Variants in MEF2C observed in about 807,000 individuals in gnomAD.
MEF2C encodes the protein myocyte-specific enhancer factor 2C.
In MEF2C, 6 loss-of-function variants were observed where a neutral mutation model predicts 50.5. The ratio of observed to expected loss-of-function variants is 0.12; its 90% CI spans 0.07 to 0.23. MEF2C has a LOEUF of 0.23. Among genes scored for constraint, MEF2C ranks in the 10% least tolerant of loss-of-function variants. The probability of loss-of-function intolerance (pLI) is 1.00; values close to 1 mark genes in which losing one functional copy is unlikely to be tolerated. For synonymous variants in MEF2C, 183 were observed against 228.0 expected, an observed-to-expected ratio of 0.80 and a Z score of 1.78; for missense variants, 276 against 605.0, an observed-to-expected ratio of 0.46 and a Z score of 5.70.
chr5:88,729,342 T>C lies in MEF2C; in HGVS notation c.840A>G (p.Gln280=). The part of the protein sequence containing the change: ...VSEDVDLLLN[Q]RINNSQSAQS... ...GAGCCGACTGGGAGTTATTTATCCT[T>C]TGATTCTTTTAAAATAAATAAAAAG... Residue 280 remains glutamine (Q), a synonymous_variant, in exon 9 of 11, where the codon CAA becomes CAG. Coordinates refer to ENST00000504921, the MANE Select transcript of MEF2C (RefSeq NM_002397.5). The C allele has an allele frequency of 1.2e-6, 2 of 1,603,206 alleles. No individual in the cohort carries two copies. The highest frequency in any genetic ancestry group is 1.7e-6 in the Non-Finnish European group (2 of 1,173,970).
At chr5:88,788,183 T>TTTAG (rs1465507135) in intron 3 of MEF2C, among the ~76,000 whole-genome samples, 14 of 84,410 alleles carry the variant, frequency 1.7e-4, no homozygotes, top group South Asian at 3.8e-4. Context: ...TGTTTGTTTA[T>TTTAG]TTATTTATTT....
chr5:88,769,647 T>C (rs1409002091), intron 3 of MEF2C, among the ~76,000 whole-genome samples: 1 of 152,138 alleles, frequency 6.6e-6, no homozygotes, highest in Non-Finnish European at 1.5e-5. Context: ...TCTATAGCTA[T>C]AGTTGTTGTT....
chr5:88,845,213 G>T (rs304157), intron 1 of MEF2C, among the ~76,000 whole-genome samples: 63,190 of 152,018 alleles, frequency 0.42, 14,879 homozygotes, highest in African/African-American at 0.64. Context: ...ATATCCTCCC[G>T]TGTCAATGGT....
At position 88,733,819 on chromosome 5, in the gene MEF2C, C is replaced by A. The variant is rs1306858328; in HGVS notation, c.638-1918G>T. The A allele has an allele frequency of 4.1e-6, 4 of 985,178 alleles. No individual in the cohort carries two copies. In the African/African-American group the frequency reaches 7.0e-5, roughly 17 times the overall value. The allele number at this position is 985,178 out of a possible 1,614,324, so 61.0% of individuals were successfully genotyped here. ...TAAAGCAAACTGGACACCCCCAAAACGTGTGTTAAGTGACAGGACTCACTT... is the reference window on the plus strand; with the variant it reads ...TAAAGCAAACTGGACACCCCCAAAAAGTGTGTTAAGTGACAGGACTCACTT... On this transcript the variant is annotated intron_variant, in intron 6 of 10. Coordinates refer to ENST00000504921, the MANE Select transcript of MEF2C (RefSeq NM_002397.5).
At chr5:88,767,015 A>G (rs1780348243) in intron 3 of MEF2C, among the ~76,000 whole-genome samples, 1 of 152,208 alleles carries the variant, frequency 6.6e-6, no homozygotes, top group Non-Finnish European at 1.5e-5. Flanking sequence ...TACTGCCTAT[A>G]AATTGAGTTT....
chr5:88,848,677 T>C (rs549006433), intron 1 of MEF2C, among the ~76,000 whole-genome samples: 1 of 152,206 alleles, frequency 6.6e-6, no homozygotes, highest in South Asian at 2.1e-4. Context: ...GGTAAAAAAA[T>C]TGACACTCCT....
In MEF2C at chr5:88,843,166, G is replaced by A. The variant is rs946213496; in HGVS notation, c.-142-19236C>T. On this transcript the variant is annotated intron_variant, in intron 1 of 10. Coordinates refer to ENST00000504921, the MANE Select transcript of MEF2C (RefSeq NM_002397.5). ...CTATCTCATTTTTGGGAGGGATGAA[G>A]GGCTTTATAAAAATCTCTCTAGTTA... The A allele has an allele frequency of 1.2e-5, 3 of 249,374 alleles. No homozygotes were observed. The East Asian group carries it at 5.3e-4, about 44-fold the overall frequency. 15.4% of individuals were successfully genotyped at this position (249,374 alleles called of 1,614,324 possible).
intron 3 of MEF2C, among the ~76,000 whole-genome samples, chr5:88,769,440 G>C (rs1781440955): frequency 6.6e-6 from 1 of 152,072 alleles, no homozygotes; most frequent in African/African-American, 2.4e-5. Context: ...ACCTCTATTG[G>C]AACCCGGACA....
chr5:88,817,883 C>G (rs1377672728), intron 2 of MEF2C: 1 of 151,796 alleles, frequency 6.6e-6, no homozygotes, highest in East Asian at 1.9e-4. Context: ...GCTAAGCATG[C>G]CTAATTTTTA....
At chr5:88,747,316 T>A (rs1231917468) in intron 6 of MEF2C, among the ~76,000 whole-genome samples, 2 of 44,898 alleles carry the variant, frequency 4.5e-5, no homozygotes, top group Admixed American at 2.2e-4. Flanking sequence ...TCCTCCACAT[T>A]TTTTTTTTTT....
In MEF2C at chr5:88,799,917, G is replaced by T. The variant is rs13185050; in HGVS notation, c.258+4681C>A. ...ACACACACACACACACACACACAGA[G>T]AGAGAGACACACATGTTCTTCCTCT... On this transcript the variant is annotated intron_variant, in intron 3 of 10. Coordinates refer to ENST00000504921, the MANE Select transcript of MEF2C (RefSeq NM_002397.5). Among the ~76,000 whole-genome samples the T allele has an allele frequency of 1.8e-4, 8 of 44,766 alleles. No homozygotes were observed. In the South Asian group the frequency reaches 6.4e-3, roughly 36 times the overall value. 29.4% of individuals were successfully genotyped at this position (44,766 alleles called of 152,430 possible). A position where few individuals can be genotyped will look rare whatever the true frequency, so the allele number is the denominator to read the frequency against.
intron 3 of MEF2C, among the ~76,000 whole-genome samples, chr5:88,767,858 A>C (rs547284470): frequency 6.6e-6 from 1 of 152,340 alleles, no homozygotes; most frequent in South Asian, 2.1e-4. Flanking sequence ...TATTTGACAT[A>C]AACATTCAAA....
At chr5:88,738,158 G>A in intron 6 of MEF2C, 2 of 985,320 alleles carry the variant, frequency 2.0e-6, no homozygotes, top group South Asian at 9.4e-5. Flanking sequence ...CAACCCTACA[G>A]AGCCTTAGTT....
chr5:88,835,478 A>G (rs1375614438), intron 1 of MEF2C, among the ~76,000 whole-genome samples: 1 of 152,152 alleles, frequency 6.6e-6, no homozygotes, highest in African/African-American at 2.4e-5. Context: ...ATGAATAGAC[A>G]AATTGAATTA....
chr5:88,734,352 GA>G lies in MEF2C; in HGVS notation c.638-2452del. ...CTGGGTAATTTCAAAAGAAGGGGGAGAAAAAAGTCTGTTAAGCAGTGCAATG... is the reference window on the plus strand; with the variant it reads ...CTGGGTAATTTCAAAAGAAGGGGGAGAAAAAGTCTGTTAAGCAGTGCAATG... On this transcript the variant is annotated intron_variant, in intron 6 of 10. Coordinates refer to ENST00000504921, the MANE Select transcript of MEF2C (RefSeq NM_002397.5). 4 of 985,072 alleles carry G rather than the reference GA, an allele frequency of 4.1e-6. No homozygotes were observed. The South Asian group carries it at 1.4e-4, about 35-fold the overall frequency. 61.0% of individuals were successfully genotyped at this position (985,072 alleles called of 1,614,324 possible). A position where few individuals can be genotyped will look rare whatever the true frequency, so the allele number is the denominator to read the frequency against.
intron 3 of MEF2C, among the ~76,000 whole-genome samples, chr5:88,768,064 T>C (rs1372768616): frequency 6.6e-6 from 1 of 152,236 alleles, no homozygotes; most frequent in Non-Finnish European, 1.5e-5. Flanking sequence ...GCTGACACAT[T>C]GTCTCCTCTC....
intron 6 of MEF2C, chr5:88,742,682 T>C: frequency 1.0e-6 from 1 of 985,364 alleles, no homozygotes; most frequent in Non-Finnish European, 1.2e-6. Context: ...CGAAGGCATA[T>C]TTTACAACAT....
At chr5:88,728,916 G>A in intron 9 of MEF2C, among the ~76,000 whole-genome samples, 1 of 152,164 alleles carries the variant, frequency 6.6e-6, no homozygotes, top group East Asian at 1.9e-4. Context: ...CATATTTGAT[G>A]ATGTAGAAAT....
intron 3 of MEF2C, among the ~76,000 whole-genome samples, chr5:88,790,195 A>T (rs1793068116): frequency 6.6e-6 from 1 of 152,218 alleles, no homozygotes; most frequent in African/African-American, 2.4e-5. Context: ...CTTCCTTTCA[A>T]GAATTAGTTT....
Sources: gnomAD v4.1 joint callset for allele counts (sites outside exome capture counted in the v4.1 genomes callset) on GRCh38, gnomAD v4.1.1 for gene constraint, MANE v1.5 for transcripts, NCBI Gene and HGNC (gene_info 2026-07-23, HGNC 2026-07-21) for gene names.